BAZ2B: variants seen among roughly 807,000 people sequenced by gnomAD.
BAZ2B encodes bromodomain adjacent to zinc finger domain protein 2B.
In BAZ2B, 91 loss-of-function variants were observed where a neutral mutation model predicts 246.0. The ratio of observed to expected loss-of-function variants is 0.37; its 90% confidence interval spans 0.31 to 0.44. BAZ2B has a LOEUF of 0.44. Among genes scored for constraint, BAZ2B ranks in the 20% least tolerant of loss-of-function variants. The pLI, the probability that BAZ2B is intolerant of heterozygous loss-of-function variation, is 1.00. For synonymous variants in BAZ2B, 855 were observed against 860.0 expected (o/e 0.99, Z 0.10); for missense variants, 2,332 against 2,533.7 (o/e 0.92, Z 1.71).
At chr2:159,647,770 T>C in the BAZ2B span, among the ~76,000 whole-genome samples, 5 of 152,210 alleles carry the variant, frequency 3.3e-5, no homozygotes, top group African/African-American at 9.6e-5. Flanking sequence ...AGTAATGTGA[T>C]GGGTCACTGA....
At chr2:159,408,991 G>T (rs996913038) in intron 14 of BAZ2B, among the ~76,000 whole-genome samples, 1 of 150,282 alleles carries the variant, frequency 6.7e-6, no homozygotes, top group Admixed American at 6.6e-5. Flanking sequence ...TAGATACCTA[G>T]AAAAGTTCAC....
chr2:159,480,300 CA>C (rs2079089693), intron 2 of BAZ2B, among the ~76,000 whole-genome samples: 3 of 152,116 alleles, frequency 2.0e-5, no homozygotes, highest in Admixed American at 1.3e-4. Flanking sequence ...TACTCCACAG[CA>C]GAAGTAATTT....
chr2:159,467,628 G>A (rs1243171999), intron 3 of BAZ2B, among the ~76,000 whole-genome samples: 1 of 152,196 alleles, frequency 6.6e-6, no homozygotes, highest in Admixed American at 6.5e-5. Context: ...CACATCTGTA[G>A]TGTCTTAGGA....
At chr2:159,504,581 C>T (rs550880093) in intron 2 of BAZ2B, among the ~76,000 whole-genome samples, 5 of 152,154 alleles carry the variant, frequency 3.3e-5, no homozygotes, top group African/African-American at 9.7e-5. Flanking sequence ...TTATATCAAA[C>T]TTCTCAAATT....
In BAZ2B at chr2:159,405,332, C is replaced by G. The variant is rs568655300; in HGVS notation, c.2678-218G>C. On this transcript the variant is annotated intron_variant, in intron 14 of 36. Transcript: ENST00000392783. ...GTTCAAGTGATTCTCCTGCCTCAGC[C>G]TCCCAAGTAGCTGGGATTACAGGCG... Among the ~76,000 whole-genome samples the G allele has an allele frequency of 2.0e-5, 3 of 152,276 alleles. No homozygotes were observed. The South Asian group carries it at 6.2e-4, about 32-fold the overall frequency.
chr2:159,545,267 G>A (rs2087173177), intron 2 of BAZ2B, among the ~76,000 whole-genome samples: 1 of 152,050 alleles, frequency 6.6e-6, no homozygotes, highest in African/African-American at 2.4e-5. Flanking sequence ...CTACATTTTT[G>A]CAATGATGCA....
intron 1 of BAZ2B, among the ~76,000 whole-genome samples, chr2:159,585,173 G>C (rs1286941986): frequency 6.6e-6 from 1 of 152,142 alleles, no homozygotes; most frequent in Non-Finnish European, 1.5e-5. Flanking sequence ...ACTGTTACAG[G>C]GATAGACTTG....
intron 2 of BAZ2B, among the ~76,000 whole-genome samples, chr2:159,528,591 G>A (rs1484881475): frequency 6.6e-6 from 1 of 151,566 alleles, no homozygotes; most frequent in East Asian, 1.9e-4. Context: ...GCTGAGGCAG[G>A]AGAATCACTT....
chr2:159,709,784 GC>G, the BAZ2B span, among the ~76,000 whole-genome samples: 1 of 152,194 alleles, frequency 6.6e-6, no homozygotes, highest in African/African-American at 2.4e-5. Flanking sequence ...AGCATTCTAA[GC>G]TATCAGGTGG....
At chr2:159,568,891 A>G (rs1037520266) in intron 1 of BAZ2B, among the ~76,000 whole-genome samples, 1 of 152,210 alleles carries the variant, frequency 6.6e-6, no homozygotes, top group African/African-American at 2.4e-5. Flanking sequence ...TCTAAATTTG[A>G]TTAGGCATAA....
At chr2:159,459,535 T>A (rs1017141020) in intron 3 of BAZ2B, 1 of 152,206 alleles carries the variant, frequency 6.6e-6, no homozygotes, top group African/African-American at 2.4e-5. Flanking sequence ...CACCCTTGGC[T>A]CCATTGCCAG....
rs375742869 is a variant in BAZ2B at position 159,446,884 on chromosome 2, T to A, written c.594A>T (p.Gly198=). The A allele has an allele frequency of 6.2e-7, 1 of 1,613,678 alleles. No individual in the cohort carries two copies. Among genetic ancestry groups the A allele is most frequent in the African/African-American group, 1.3e-5 (1 of 74,896 alleles). Residue 198 remains glycine, a synonymous_variant, in exon 6 of 37, where the codon GGA becomes GGT. Transcript: ENST00000392783. ...CACCTGAGCTTGTACTTTTAGTTTG[T>A]CCCATGGAACTTGAAGCAGTAGTGG... ...VLSTTASSSM[G]QTKSTSSGGG...
chr2:159,516,802 G>A (rs1457276905), intron 2 of BAZ2B: 2 of 152,068 alleles, frequency 1.3e-5, no homozygotes, highest in Non-Finnish European at 2.9e-5. Flanking sequence ...AAGAGAAGAG[G>A]TCTTTCTTCC....
chr2:159,687,463 C>A, the BAZ2B span, among the ~76,000 whole-genome samples: 1 of 152,180 alleles, frequency 6.6e-6, no homozygotes, highest in Admixed American at 6.5e-5. Context: ...TCAATCATGT[C>A]TCTGTAATGG....
intron 1 of BAZ2B, among the ~76,000 whole-genome samples, chr2:159,604,002 T>C (rs1046838369): frequency 1.3e-5 from 2 of 152,208 alleles, no homozygotes; most frequent in Non-Finnish European, 2.9e-5. Context: ...TTTTGAACAT[T>C]TGAAATTTTT....
the BAZ2B span, among the ~76,000 whole-genome samples, chr2:159,698,964 C>G: frequency 6.6e-6 from 1 of 152,134 alleles, no homozygotes; most frequent in Non-Finnish European, 1.5e-5. Context: ...CTTCTTTAAG[C>G]AATTTAAAAC....
the BAZ2B span, among the ~76,000 whole-genome samples, chr2:159,632,069 G>T: frequency 6.6e-6 from 1 of 152,140 alleles, no homozygotes; most frequent in Non-Finnish European, 1.5e-5. Context: ...TCCTTATCTG[G>T]TAAGTCAGAA....
intron 1 of BAZ2B, among the ~76,000 whole-genome samples, chr2:159,561,885 A>G (rs932562634): frequency 5.9e-5 from 9 of 152,208 alleles, no homozygotes; most frequent in Non-Finnish European, 1.3e-4. Flanking sequence ...GGTTTATTTT[A>G]CCATAGAATC....
intron 16 of BAZ2B, among the ~76,000 whole-genome samples, chr2:159,403,892 A>C (rs1487455623): frequency 6.6e-6 from 1 of 152,164 alleles, no homozygotes; most frequent in Non-Finnish European, 1.5e-5. Context: ...AGGTCACAAA[A>C]TTATTAAGTA....
Sources: gnomAD v4.1 joint callset for allele counts (sites outside exome capture counted in the v4.1 genomes callset) on GRCh38, gnomAD v4.1.1 for gene constraint, MANE v1.5 for transcripts, NCBI Gene and HGNC (gene_info 2026-07-23, HGNC 2026-07-21) for gene names.